The following KIAA1217 variants were observed in gnomAD, a reference collection of about 807,000 sequenced individuals.
The protein encoded by KIAA1217 is KIAA1217, also known as sickle tail protein homolog.
KIAA1217 carries 88 observed loss-of-function variants against 163.9 expected under a neutral mutation model. The ratio of observed to expected loss-of-function variants is 0.54; its 90% CI spans 0.45 to 0.64. The LOEUF (loss-of-function observed/expected upper bound fraction) is 0.64. KIAA1217 is among the 30% of genes least tolerant of loss of function. The probability of loss-of-function intolerance (pLI) is 0.00; values close to 1 mark genes in which losing one functional copy is unlikely to be tolerated. For synonymous variants in KIAA1217, 903 were observed against 923.1 expected (o/e 0.98, Z 0.39); for missense variants, 2,372 against 2,475.0 (o/e 0.96, Z 0.88).
Position 24,461,285 on chromosome 10 carries a change from A to G in KIAA1217, c.847-11943A>G, listed in dbSNP as rs532931700. On this transcript the variant is annotated intron_variant, in intron 5 of 20. Coordinates refer to ENST00000376454, the MANE Select transcript of KIAA1217 (RefSeq NM_019590.5). Reference sequence around the variant, plus strand: ...TATAACACTCCATCTAGCTGTTTTCATATCTGTCCTTTAAACTGCAATTGT... The same window carrying G: ...TATAACACTCCATCTAGCTGTTTTCGTATCTGTCCTTTAAACTGCAATTGT... 1.6e-4 allele frequency among the ~76,000 whole-genome samples: 24 copies of G among 152,248 alleles called. No homozygotes were observed. The South Asian group carries it at 5.0e-3, about 32-fold the overall frequency.
intron 1 of KIAA1217, among the ~76,000 whole-genome samples, chr10:23,945,074 A>AG (rs200097164): frequency 0.033 from 4,874 of 149,534 alleles, 110 homozygotes; most frequent in Non-Finnish European, 0.053. Context: ...AAAAAAAAAA[A>AG]AGGGTTTTAA....
At chr10:24,186,996 A>T (rs1044838873) in intron 2 of KIAA1217, among the ~76,000 whole-genome samples, 1 of 152,140 alleles carries the variant, frequency 6.6e-6, no homozygotes, top group African/African-American at 2.4e-5. Flanking sequence ...GACTCAGGCT[A>T]TGTTTTTCGG....
At chr10:24,445,072 T>C (rs1030492255) in intron 5 of KIAA1217, among the ~76,000 whole-genome samples, 1 of 152,226 alleles carries the variant, frequency 6.6e-6, no homozygotes, top group African/African-American at 2.4e-5. Context: ...GCAAACCTTT[T>C]TGTGTCTGCA....
At chr10:24,239,495 C>CTTT (rs34650424) in intron 2 of KIAA1217, among the ~76,000 whole-genome samples, 1,477 of 134,708 alleles carry the variant, frequency 0.011, 20 homozygotes, top group African/African-American at 0.038. Context: ...TTTTTAAGGG[C>CTTT]TTTTTTTTTT....
intron 1 of KIAA1217, among the ~76,000 whole-genome samples, chr10:23,786,100 T>C (rs748603126): frequency 1.8e-4 from 27 of 152,144 alleles, no homozygotes; most frequent in Non-Finnish European, 2.5e-4. Flanking sequence ...TCTGGGGCAA[T>C]TGGTCTTCTG....
intron 6 of KIAA1217, 112 bp from the exon 7 acceptor site, chr10:24,494,388 C>A (rs1039654958): frequency 3.7e-6 from 3 of 819,452 alleles, no homozygotes; most frequent in Non-Finnish European, 4.0e-6. Flanking sequence ...GTTGGGTGAA[C>A]TTCCACGGCC....
At chr10:24,483,053 A>G (rs1346419622) in intron 6 of KIAA1217, 1 of 151,526 alleles carries the variant, frequency 6.6e-6, no homozygotes, top group African/African-American at 2.4e-5. Flanking sequence ...GTATATACTC[A>G]TGCAGGGCCA....
intron 1 of KIAA1217, among the ~76,000 whole-genome samples, chr10:23,742,760 T>C (rs1839189191): frequency 6.6e-6 from 1 of 152,078 alleles, no homozygotes; most frequent in Non-Finnish European, 1.5e-5. Flanking sequence ...GAGATTTGGG[T>C]GAGGACAAAT....
At chr10:23,776,160 G>C (rs7898520) in intron 1 of KIAA1217, among the ~76,000 whole-genome samples, 2,887 of 152,168 alleles carry the variant, frequency 0.019, 93 homozygotes, top group African/African-American at 0.066. Flanking sequence ...TGATCACCTG[G>C]TTTCCTCTGA....
intron 1 of KIAA1217, among the ~76,000 whole-genome samples, chr10:23,930,551 C>T (rs1438542842): frequency 6.6e-6 from 1 of 152,142 alleles, no homozygotes; most frequent in Non-Finnish European, 1.5e-5. Context: ...AGTCAAGATG[C>T]ACACAGATAT....
At chr10:23,818,394 A>T (rs959921521) in intron 1 of KIAA1217, among the ~76,000 whole-genome samples, 1 of 147,250 alleles carries the variant, frequency 6.8e-6, no homozygotes, top group African/African-American at 2.5e-5. Context: ...ATTCTGAACA[A>T]CTAACTGGGA....
intron 6 of KIAA1217, among the ~76,000 whole-genome samples, chr10:24,493,435 T>C (rs7073568): frequency 0.55 from 83,647 of 152,118 alleles, 23,571 homozygotes; most frequent in African/African-American, 0.68. Flanking sequence ...TGAATTCACA[T>C]GAGGTGACAT....
intron 1 of KIAA1217, among the ~76,000 whole-genome samples, chr10:23,714,461 G>A (rs780502688): frequency 2.6e-5 from 4 of 152,058 alleles, no homozygotes; most frequent in African/African-American, 4.8e-5. Context: ...CAGCCAGGGC[G>A]ACACTAAGAC....
chr10:24,230,167 C>T (rs2071173504), intron 2 of KIAA1217, among the ~76,000 whole-genome samples: 1 of 152,042 alleles, frequency 6.6e-6, no homozygotes, highest in African/African-American at 2.4e-5. Flanking sequence ...TATTATTTGC[C>T]ATCAGCTAAA....
intron 5 of KIAA1217, among the ~76,000 whole-genome samples, chr10:24,471,885 T>TAA (rs2063553234): frequency 1.3e-5 from 1 of 79,658 alleles, no homozygotes. Flanking sequence ...AGACTCCATC[T>TAA]CAAAAAAAAA....
At chr10:24,347,148 C>T (rs2047895010) in intron 2 of KIAA1217, among the ~76,000 whole-genome samples, 1 of 152,096 alleles carries the variant, frequency 6.6e-6, no homozygotes, top group Admixed American at 6.6e-5. Context: ...GAAAAAAAGC[C>T]AAAAGATAAA....
rs367703646 is a variant in KIAA1217 at position 24,120,559 on chromosome 10, C to T, written c.-170-99067C>T. Among the ~76,000 whole-genome samples the T allele has an allele frequency of 1.2e-4, 18 of 152,136 alleles. No individual in the cohort carries two copies. In the East Asian group the frequency reaches 2.1e-3, roughly 18 times the overall value. On this transcript the variant is annotated intron_variant, in intron 2 of 18. Transcript: ENST00000376462. The stretch of plus-strand genomic sequence containing the variant: ...CCCATCAACTATGGTGATCTTGGCA[C>T]GCCACCTTTACAAAAGGGAGCCATG...
At chr10:23,751,345 C>T (rs1226271048) in intron 1 of KIAA1217, among the ~76,000 whole-genome samples, 1 of 152,070 alleles carries the variant, frequency 6.6e-6, no homozygotes, top group Non-Finnish European at 1.5e-5. Flanking sequence ...TCTACAATAC[C>T]ATGTGAGGTG....
chr10:24,372,939 C>T (rs12266871), intron 2 of KIAA1217, among the ~76,000 whole-genome samples: 4,217 of 152,208 alleles, frequency 0.028, 202 homozygotes, highest in African/African-American at 0.097. Flanking sequence ...CAAATCAAAC[C>T]AATCTATCCT....
Sources: allele counts gnomAD v4.1 joint callset (sites outside exome capture counted in the v4.1 genomes callset), GRCh38; gene constraint gnomAD v4.1.1; transcripts MANE v1.5; gene names NCBI Gene and HGNC (gene_info 2026-07-23, HGNC 2026-07-21).